The following THAP12 variants were observed in gnomAD, a reference collection of about 807,000 sequenced individuals.
THAP12 encodes the protein THAP domain containing 12.
A neutral mutation model predicts 63.0 loss-of-function variants in THAP12; 20 were observed. The ratio of observed to expected loss-of-function variants is 0.32; its 90% CI spans 0.22 to 0.46. The LOEUF is 0.46. Among genes scored for constraint, THAP12 ranks in the 20% least tolerant of loss-of-function variants. The pLI, the probability that THAP12 is intolerant of heterozygous loss-of-function variation, is 1.00. For synonymous variants in THAP12, 264 were observed against 328.4 expected (o/e 0.80, Z 2.12); for missense variants, 568 against 908.2 (o/e 0.63, Z 4.81).
At position 76,350,075 on chromosome 11, in the gene THAP12, T is replaced by C. The variant is rs1946514277; in HGVS notation, c.*789A>G. 2 of 152,876 alleles carry C rather than the reference T, an allele frequency of 1.3e-5. No individual in the cohort carries two copies. The highest frequency in any genetic ancestry group is 4.8e-5 in the African/African-American group (2 of 41,570). The allele number at this position is 152,876 out of a possible 1,614,324, so 9.5% of individuals were successfully genotyped here. A position where few individuals can be genotyped will look rare whatever the true frequency, so the allele number is the denominator to read the frequency against. On this transcript the variant is annotated 3_prime_UTR_variant, in exon 5 of 5. Transcript: ENST00000260045. ...TAGATAAACCACAACACTTATTTTG[T>C]AGGTTTTCCAGGTTTTGCTTATAAA...
In THAP12 at chr11:76,367,304, G is replaced by A. The variant is rs866850785; in HGVS notation, c.90-1332C>T. Reference sequence around the variant, plus strand: ...TTGGTCAGGCTGGTCTCGAACTCCCGACCTCAGGTGATCTGCCCGCCTCGG... The same window carrying A: ...TTGGTCAGGCTGGTCTCGAACTCCCAACCTCAGGTGATCTGCCCGCCTCGG... On this transcript the variant is annotated intron_variant, in intron 1 of 4. Transcript: ENST00000260045. 3.9e-5 allele frequency among the ~76,000 whole-genome samples: 6 copies of A among 152,294 alleles called. No individual in the cohort carries two copies. The South Asian group carries it at 6.2e-4, about 16-fold the overall frequency.
intron 1 of THAP12, 89 bp downstream of exon 1, chr11:76,380,659 G>A: frequency 9.5e-7 from 1 of 1,055,376 alleles, no homozygotes; most frequent in Non-Finnish European, 1.2e-6. Flanking sequence ...GCCCCTCTCA[G>A]CCAGCCCGGG....
chr11:76,371,126 C>T (rs1361215487), intron 1 of THAP12, among the ~76,000 whole-genome samples: 2 of 152,156 alleles, frequency 1.3e-5, no homozygotes, highest in South Asian at 4.1e-4. Flanking sequence ...ACCTGGTCTA[C>T]TAGTATCTCT....
chr11:76,361,122 T>C, intron 2 of THAP12, 59 bp from the exon 3 acceptor site: 1 of 1,090,874 alleles, frequency 9.2e-7, no homozygotes, highest in Non-Finnish European at 1.4e-6. Flanking sequence ...TACACATCAA[T>C]AAAATTCTAT....
At chr11:76,363,595 T>TTGTC (rs1467934089) in intron 2 of THAP12, among the ~76,000 whole-genome samples, 1 of 151,208 alleles carries the variant, frequency 6.6e-6, no homozygotes, top group African/African-American at 2.4e-5. Flanking sequence ...GGGTTTTTGT[T>TTGTC]TGTTTGTTTT....
At chr11:76,364,451 T>C in intron 2 of THAP12, 1 of 438,212 alleles carries the variant, frequency 2.3e-6, no homozygotes, top group South Asian at 1.6e-5. Context: ...AATATCAAAA[T>C]AAATTGCTGC....
At chr11:76,378,635 G>A (rs982748424) in intron 1 of THAP12, among the ~76,000 whole-genome samples, 15 of 150,988 alleles carry the variant, frequency 9.9e-5, no homozygotes, top group Admixed American at 7.9e-4. Flanking sequence ...TTCTTGAGAC[G>A]GAGTCTTGTT....
chr11:76,367,523 A>G (rs1233351676), intron 1 of THAP12, among the ~76,000 whole-genome samples: 1 of 152,192 alleles, frequency 6.6e-6, no homozygotes. Flanking sequence ...CCCAGGTTCA[A>G]GCAATTCTCC....
chr11:76,372,511 G>T (rs1340233072), intron 1 of THAP12, among the ~76,000 whole-genome samples: 1 of 150,668 alleles, frequency 6.6e-6, no homozygotes, highest in Admixed American at 6.6e-5. Flanking sequence ...CTGGGTTTAA[G>T]CCATCCTCCT....
Position 76,380,309 on chromosome 11 carries a change from A to C in THAP12, c.89+439T>G, listed in dbSNP as rs948175275. Among the ~76,000 whole-genome samples the C allele has an allele frequency of 1.6e-4, 25 of 152,168 alleles. 1 individual carries two copies. Among genetic ancestry groups the C allele is most frequent in the Non-Finnish European group, 5.9e-5 (4 of 68,010 alleles). ...AAGAAGGTAGCGGGACTCAAAACAGAAACACTGTCCCGGGGGTGGTGGCAA... is the reference window on the plus strand; with the variant it reads ...AAGAAGGTAGCGGGACTCAAAACAGCAACACTGTCCCGGGGGTGGTGGCAA... On this transcript the variant is annotated intron_variant, in intron 1 of 4. Coordinates refer to ENST00000260045, the MANE Select transcript of THAP12 (RefSeq NM_004705.4).
chr11:76,359,954 T>C (rs561271685), intron 3 of THAP12, among the ~76,000 whole-genome samples: 2 of 152,296 alleles, frequency 1.3e-5, no homozygotes, highest in South Asian at 2.1e-4. Context: ...CAGTGTGGTA[T>C]AGTTGCAAAC....
Position 76,352,532 on chromosome 11 carries a change from C to A in THAP12, c.618G>T (p.Glu206Asp). ...FTPDNFQALL[E>D]CRINSGEEVL... ...CCTCTTCACCAGAATTTATCCGACA[C>A]TCCAGCAGTGCCTGAAAGTTATCTG... The change falls in exon 5 of 5, where the codon GAG (glutamate) becomes GAT (aspartate). Residue 206 changes from glutamate to aspartate, a missense_variant. By Grantham distance (45) the Glu-to-Asp change is conservative (BLOSUM62 2). Transcript: ENST00000260045. 6.2e-7 allele frequency: 1 copy of A among 1,612,034 alleles called. No individual in the cohort carries two copies. The highest frequency in any genetic ancestry group is 1.1e-5 in the South Asian group (1 of 90,996).
intron 1 of THAP12, 49 bp downstream of exon 1, chr11:76,380,699 C>T (rs1158204337): frequency 3.1e-6 from 4 of 1,301,018 alleles, no homozygotes; most frequent in Non-Finnish European, 4.0e-6. Flanking sequence ...GCTGGCAGCG[C>T]TCACCGCGAA....
At position 76,351,764 on chromosome 11, in the gene THAP12, A is replaced by G. The variant is rs763433108; in HGVS notation, c.1386T>C (p.Tyr462=). ...NSDTNIRWNN[Y]IAGRAFVLCS... Reference sequence around the variant, plus strand: ...AGAGTACAAATGCTCGGCCAGCTATATAGTTATTCCATCTAATATTTGTGT... The same window carrying G: ...AGAGTACAAATGCTCGGCCAGCTATGTAGTTATTCCATCTAATATTTGTGT... The change falls in exon 5 of 5, where the codon TAT becomes TAC. Residue 462 remains tyrosine, a synonymous_variant. Transcript: ENST00000260045. 2 of 1,613,484 alleles carry G rather than the reference A, an allele frequency of 1.2e-6. No homozygotes were observed. Among genetic ancestry groups the G allele is most frequent in the Non-Finnish European group, 1.7e-6 (2 of 1,179,540 alleles).
At chr11:76,357,191 G>A (rs1421768434) in intron 3 of THAP12, 1 of 152,160 alleles carries the variant, frequency 6.6e-6, no homozygotes, top group Non-Finnish European at 1.5e-5. Context: ...AGTCACGGGA[G>A]GATGTGTGTA....
chr11:76,369,954 A>G (rs1052870194), intron 1 of THAP12, among the ~76,000 whole-genome samples: 9 of 152,244 alleles, frequency 5.9e-5, no homozygotes, highest in Non-Finnish European at 1.0e-4. Flanking sequence ...GTACAACCAT[A>G]TACTGAGTCC....
intron 1 of THAP12, among the ~76,000 whole-genome samples, chr11:76,371,033 C>T (rs1285948359): frequency 2.0e-5 from 3 of 152,022 alleles, no homozygotes; most frequent in Admixed American, 6.6e-5. Context: ...GTAGACTTTT[C>T]CCTTAGCACA....
intron 4 of THAP12, among the ~76,000 whole-genome samples, chr11:76,353,342 C>A (rs1590798965): frequency 6.6e-6 from 1 of 152,294 alleles, no homozygotes; most frequent in African/African-American, 2.4e-5. Context: ...GTGGTATCGG[C>A]CCCACTTGAC....
rs1946534747 is a variant in THAP12, at chr11:76,352,558, G to A, written c.592C>T (p.Pro198Ser). The A allele has an allele frequency of 6.2e-7, 1 of 1,611,980 alleles. No individual in the cohort carries two copies. Among genetic ancestry groups the A allele is most frequent in the East Asian group, 2.2e-5 (1 of 44,884 alleles). Residue 198 changes from proline (P) to serine (S), a missense_variant, in exon 5 of 5, where the codon CCA becomes TCA. By Grantham distance (74) the Pro-to-Ser change is moderately conservative. Coordinates refer to ENST00000260045, the MANE Select transcript of THAP12 (RefSeq NM_004705.4). ...ADEIPEGLFTPDNFQALLECR... is the reference protein window; with the variant it reads ...ADEIPEGLFTSDNFQALLECR... ...TCCAGCAGTGCCTGAAAGTTATCTG[G>A]AGTAAAGAGACCTTCTGGGATTTCA...
Sources: allele counts gnomAD v4.1 joint callset (sites outside exome capture counted in the v4.1 genomes callset), GRCh38; gene constraint gnomAD v4.1.1; transcripts MANE v1.5; gene names NCBI Gene and HGNC (gene_info 2026-07-23, HGNC 2026-07-21).